The following MTIF3 variants were observed in gnomAD, a reference collection of about 807,000 sequenced individuals.
The protein encoded by MTIF3 is translation initiation factor IF-3, mitochondrial.
Under a neutral mutation model 20.7 loss-of-function variants are expected in MTIF3, and 13 were observed. The observed-to-expected ratio is 0.63, with a 90% CI of 0.41 to 1.00. MTIF3 has a LOEUF of 1.00. Ranked by LOEUF, MTIF3 falls within the 50% of genes least tolerant of loss-of-function variation. The pLI, the probability that MTIF3 is intolerant of heterozygous loss-of-function variation, is 0.00. For missense variants in MTIF3, 295 were observed against 324.5 expected (o/e 0.91, Z 0.70); for synonymous variants, 114 against 112.5 (o/e 1.01, Z -0.08).
In MTIF3 at chr13:27,440,049, A is replaced by G. The variant is rs1953942346; in HGVS notation, c.400T>C (p.Leu134=). 2 of 1,614,200 alleles carry G rather than the reference A, an allele frequency of 1.2e-6. No individual in the cohort carries two copies. The highest frequency in any genetic ancestry group is 8.5e-7 in the Non-Finnish European group (1 of 1,180,038). Residue 134 remains leucine (L), a synonymous_variant, in exon 3 of 5, where the codon TTG becomes CTG. Transcript: ENST00000381120. ...EPAEYQLMTG[L]QILQERQRLR... The stretch of plus-strand genomic sequence containing the variant: ...CTCTGCCGCTCCTGGAGGATCTGCA[A>G]TCCTGTCATGAGCTGATACTCTGCA...
chr13:27,449,969 A>G (rs1954305594), intron 1 of MTIF3: 1 of 152,310 alleles, frequency 6.6e-6, no homozygotes, highest in East Asian at 1.9e-4. Flanking sequence ...ACCTTCCCCC[A>G]TAAGGCCTCC....
At chr13:27,439,763 A>T in intron 3 of MTIF3, among the ~76,000 whole-genome samples, 1 of 152,164 alleles carries the variant, frequency 6.6e-6, no homozygotes, top group Non-Finnish European at 1.5e-5. Flanking sequence ...ACAGGTTTAA[A>T]GGGAAGAGAT....
At position 27,435,782 on chromosome 13, in the gene MTIF3, T is replaced by C. The variant is rs1593182621; in HGVS notation, c.730A>G (p.Ser244Gly). Reference protein sequence around the residue: ...KALMCVLRAFSKNEEKAYKET... With the variant: ...KALMCVLRAFGKNEEKAYKET... ...TTATATGCCTTCTCCTCATTTTTGCTGAAAGCACGAAGAACACACATTAAA... is the reference window on the plus strand; with the variant it reads ...TTATATGCCTTCTCCTCATTTTTGCCGAAAGCACGAAGAACACACATTAAA... The change falls in exon 5 of 5, where the codon AGC becomes GGC. Residue 244 changes from serine to glycine, a missense_variant. Ser to Gly is a moderately conservative substitution (Grantham distance 56). Transcript: ENST00000381120. 6.2e-6 allele frequency: 10 copies of C among 1,614,042 alleles called. No individual in the cohort carries two copies. In the South Asian group the frequency reaches 9.9e-5, roughly 16 times the overall value.
rs547634698 is a variant in MTIF3, at chr13:27,439,439, T to C, written c.460+550A>G. On this transcript the variant is annotated intron_variant, in intron 3 of 4. Transcript: ENST00000381120. Reference sequence around the variant, plus strand: ...TGAGCCTGGGAGGCGAAGGTTGCAGTGAGCACACATCGCACCACTGCACTC... The same window carrying C: ...TGAGCCTGGGAGGCGAAGGTTGCAGCGAGCACACATCGCACCACTGCACTC... 2.6e-5 allele frequency among the ~76,000 whole-genome samples: 4 copies of C among 152,276 alleles called. No individual in the cohort carries two copies. In the South Asian group the frequency reaches 8.3e-4, roughly 32 times the overall value.
At chr13:27,436,927 AT>A (rs1953789521) in intron 4 of MTIF3, among the ~76,000 whole-genome samples, 188 bp downstream of exon 4, 1 of 151,418 alleles carries the variant, frequency 6.6e-6, no homozygotes, top group South Asian at 2.1e-4. Context: ...AATTTTTTGT[AT>A]TTTTAGTAGA....
chr13:27,444,286 CAG>C (rs753514457), intron 2 of MTIF3, among the ~76,000 whole-genome samples: 13 of 149,664 alleles, frequency 8.7e-5, no homozygotes, highest in Non-Finnish European at 1.9e-4. Flanking sequence ...GCCTGGGCGA[CAG>C]AGCGAGACTC....
intron 2 of MTIF3, among the ~76,000 whole-genome samples, chr13:27,443,892 G>A (rs1044103210): frequency 1.3e-5 from 2 of 151,768 alleles, no homozygotes; most frequent in African/African-American, 4.8e-5. Flanking sequence ...TTTTATACTT[G>A]AAAATAAATT....
Position 27,440,134 on chromosome 13 carries a change from C to G in MTIF3, c.315G>C (p.Val105=), listed in dbSNP as rs752542393. 1.9e-6 allele frequency: 3 copies of G among 1,614,112 alleles called. No homozygotes were observed. Among genetic ancestry groups the G allele is most frequent in the African/African-American group, 1.3e-5 (1 of 74,928 alleles). The change falls in exon 3 of 5, where the codon GTG becomes GTC. Residue 105 remains valine (V), a synonymous_variant. Coordinates refer to ENST00000381120, the MANE Select transcript of MTIF3 (RefSeq NM_152912.5). ...NDLGNMHRAN[V]IRLMDERDLR... ...GGTCTCGCTCATCCATAAGTCTAAT[C>G]ACATTTGCTCGGTGCATGTTTCCCA...
chr13:27,449,670 A>G (rs1184392007), intron 1 of MTIF3, among the ~76,000 whole-genome samples: 1 of 152,192 alleles, frequency 6.6e-6, no homozygotes, highest in Admixed American at 6.5e-5. Context: ...CATTACAATT[A>G]CAGTTTTGTG....
At chr13:27,445,384 G>A (rs577930645) in intron 1 of MTIF3, among the ~76,000 whole-genome samples, 2 of 152,098 alleles carry the variant, frequency 1.3e-5, no homozygotes, top group African/African-American at 2.4e-5. Context: ...GCTGAGGAAG[G>A]AGGTTCACTT....
At chr13:27,438,909 CCGCA>C (rs1953892548) in intron 3 of MTIF3, among the ~76,000 whole-genome samples, 3 of 149,422 alleles carry the variant, frequency 2.0e-5, no homozygotes, top group Non-Finnish European at 4.5e-5. Flanking sequence ...CAAAACTGAG[CCGCA>C]GATAACATGT....
intron 2 of MTIF3, among the ~76,000 whole-genome samples, chr13:27,443,453 C>T (rs1954067919): frequency 6.6e-6 from 1 of 152,204 alleles, no homozygotes; most frequent in African/African-American, 2.4e-5. Context: ...TTCCTGCTCA[C>T]AAGCCTGCTC....
chr13:27,449,058 T>A (rs981817347), intron 1 of MTIF3, among the ~76,000 whole-genome samples: 78 of 148,528 alleles, frequency 5.3e-4, no homozygotes, highest in African/African-American at 1.9e-3. Flanking sequence ...CAAAAAAAAT[T>A]TTTTTTTAAC....
chr13:27,447,094 G>T (rs1328899901), intron 1 of MTIF3, among the ~76,000 whole-genome samples: 2 of 148,922 alleles, frequency 1.3e-5, no homozygotes, highest in Admixed American at 1.4e-4. Flanking sequence ...CTACAATGGG[G>T]TGGTGTTTCT....
chr13:27,438,225 C>T (rs537676490), intron 3 of MTIF3, among the ~76,000 whole-genome samples: 5 of 150,546 alleles, frequency 3.3e-5, no homozygotes, highest in South Asian at 4.2e-4. Context: ...TGCTGGCTCA[C>T]GCCTATAATC....
chr13:27,447,864 T>G (rs377191160), intron 1 of MTIF3, among the ~76,000 whole-genome samples: 5 of 152,292 alleles, frequency 3.3e-5, no homozygotes, highest in African/African-American at 1.2e-4. Flanking sequence ...TTCTAAGAAG[T>G]GTCCTCCAAG....
chr13:27,447,421 C>G (rs78681253), intron 1 of MTIF3, among the ~76,000 whole-genome samples: 1 of 152,082 alleles, frequency 6.6e-6, no homozygotes, highest in African/African-American at 2.4e-5. Context: ...GAAACAAACG[C>G]TTACGTTCTT....
At chr13:27,447,624 C>G (rs1451233448) in intron 1 of MTIF3, among the ~76,000 whole-genome samples, 1 of 152,114 alleles carries the variant, frequency 6.6e-6, no homozygotes, top group African/African-American at 2.4e-5. Flanking sequence ...CCTTTGTAAC[C>G]AAAACTCCTA....
At chr13:27,437,348 C>A (rs1953820706) in intron 3 of MTIF3, 75 bp from the exon 4 acceptor site, 3 of 1,371,140 alleles carry the variant, frequency 2.2e-6, no homozygotes. Flanking sequence ...ACATGCCCAT[C>A]ATAAAATCCT....
Sources: allele counts gnomAD v4.1 joint callset (sites outside exome capture counted in the v4.1 genomes callset), GRCh38; gene constraint gnomAD v4.1.1; transcripts MANE v1.5; gene names NCBI Gene and HGNC (gene_info 2026-07-23, HGNC 2026-07-21).